SV2C: variants seen among roughly 807,000 people sequenced by gnomAD.
The protein encoded by SV2C is solute carrier family 22 member B3.
Under a neutral mutation model 79.7 loss-of-function variants are expected in SV2C, and 49 were observed. The ratio of observed to expected loss-of-function variants is 0.61; its 90% CI spans 0.49 to 0.78. The LOEUF (loss-of-function observed/expected upper bound fraction) is 0.78, where lower values mean the gene tolerates loss of function less well. SV2C is among the 30% of genes least tolerant of loss of function. SV2C has a pLI of 0.00. For missense variants in SV2C, 833 were observed against 912.9 expected (o/e 0.91, Z 1.13); for synonymous variants, 334 against 333.2 (o/e 1.00, Z -0.03).
chr5:75,910,055 T>C, the SV2C span, among the ~76,000 whole-genome samples: 3 of 152,174 alleles, frequency 2.0e-5, no homozygotes, highest in African/African-American at 4.8e-5. Flanking sequence ...GAGCAGACAC[T>C]CCATAAATAC....
At chr5:76,025,172 CGT>C in the SV2C span, among the ~76,000 whole-genome samples, 8 of 127,248 alleles carry the variant, frequency 6.3e-5, no homozygotes, top group African/African-American at 2.5e-4. Flanking sequence ...GCCTTGAGCA[CGT>C]TTTTTTTTTT....
chr5:75,915,404 A>C, the SV2C span, among the ~76,000 whole-genome samples: 1 of 152,206 alleles, frequency 6.6e-6, no homozygotes, highest in African/African-American at 2.4e-5. Flanking sequence ...GGATTCCTTA[A>C]AACACTTTTT....
chr5:76,099,154 C>T (rs1323036811), intron 1 of SV2C, among the ~76,000 whole-genome samples: 1 of 152,096 alleles, frequency 6.6e-6, no homozygotes, highest in Non-Finnish European at 1.5e-5. Context: ...TGGAAAATAA[C>T]AGTTCATTCT....
At chr5:76,177,937 AGAG>A (rs1179005562) in intron 2 of SV2C, among the ~76,000 whole-genome samples, 1 of 152,224 alleles carries the variant, frequency 6.6e-6, no homozygotes, top group Non-Finnish European at 1.5e-5. Context: ...GTGCTGATAT[AGAG>A]GAGATTTCTC....
At chr5:75,869,005 A>T in the SV2C span, among the ~76,000 whole-genome samples, 1 of 152,202 alleles carries the variant, frequency 6.6e-6, no homozygotes, top group Non-Finnish European at 1.5e-5. Flanking sequence ...TGGTGTCTAT[A>T]GGGAGAAACT....
the SV2C span, among the ~76,000 whole-genome samples, chr5:75,959,500 T>C: frequency 6.6e-6 from 1 of 151,984 alleles, no homozygotes; most frequent in Admixed American, 6.6e-5. Context: ...CATTGATATT[T>C]ATTGAAGGCT....
intron 4 of SV2C, among the ~76,000 whole-genome samples, chr5:76,274,058 T>C (rs1014627646): frequency 1.1e-4 from 17 of 152,230 alleles, no homozygotes; most frequent in African/African-American, 3.1e-4. Context: ...GTGAGACCTG[T>C]ATTGTCAGTG....
intron 12 of SV2C, among the ~76,000 whole-genome samples, chr5:76,321,004 A>G (rs1052072817): frequency 2.0e-5 from 3 of 152,192 alleles, no homozygotes; most frequent in African/African-American, 7.2e-5. Context: ...AACCCACAAA[A>G]TCACTGGCTG....
chr5:76,323,966 T>C (rs1295854898), intron 12 of SV2C, among the ~76,000 whole-genome samples: 1 of 152,026 alleles, frequency 6.6e-6, no homozygotes, highest in East Asian at 1.9e-4. Flanking sequence ...TGTATACCTA[T>C]GTAACAAACC....
intron 12 of SV2C, among the ~76,000 whole-genome samples, chr5:76,350,918 G>T (rs1327577909): frequency 6.6e-6 from 1 of 151,886 alleles, no homozygotes; most frequent in East Asian, 1.9e-4. Flanking sequence ...GGAGGCTGAG[G>T]CATGAGAATC....
chr5:75,934,298 C>CTTTTTT, the SV2C span, among the ~76,000 whole-genome samples: 18 of 87,540 alleles, frequency 2.1e-4, no homozygotes, highest in African/African-American at 1.1e-3. Context: ...TTTTTTCTTT[C>CTTTTTT]TTTCTTTTTT....
At chr5:76,246,570 G>A (rs952692263) in intron 4 of SV2C, among the ~76,000 whole-genome samples, 2 of 152,076 alleles carry the variant, frequency 1.3e-5, no homozygotes, top group African/African-American at 2.4e-5. Flanking sequence ...GTTTGTAACT[G>A]TGTAAGTAGG....
At chr5:75,980,431 A>G in the SV2C span, among the ~76,000 whole-genome samples, 91 of 152,312 alleles carry the variant, frequency 6.0e-4, 1 homozygote, top group South Asian at 0.017. Flanking sequence ...CTTCAGGCCA[A>G]TATCCTTGAT....
At position 76,195,105 on chromosome 5, in the gene SV2C, G is replaced by GT; in HGVS notation, c.761+10dup. 1 of 1,611,056 alleles carries GT rather than the reference G, an allele frequency of 6.2e-7. No individual in the cohort carries two copies. Among genetic ancestry groups the GT allele is most frequent in the East Asian group, 2.2e-5 (1 of 44,858 alleles). On this transcript the variant is annotated splice_region_variant and intron_variant, in intron 3 of 12. Transcript: ENST00000502798. Reference sequence around the variant, plus strand: ...CGCTTACTTTCTGGATTCGGGTAAGGTTTTCTCCTTCATATTTTATAGTAA... The same window carrying GT: ...CGCTTACTTTCTGGATTCGGGTAAGGTTTTTCTCCTTCATATTTTATAGTAA...
chr5:76,263,976 C>A (rs1049994441), intron 4 of SV2C, among the ~76,000 whole-genome samples: 14 of 152,070 alleles, frequency 9.2e-5, no homozygotes, highest in Non-Finnish European at 1.8e-4. Context: ...TAAATGTTGA[C>A]CTGTCTTGCC....
chr5:75,972,619 A>T, the SV2C span, among the ~76,000 whole-genome samples: 1 of 152,136 alleles, frequency 6.6e-6, no homozygotes, highest in Non-Finnish European at 1.5e-5. Flanking sequence ...AATCAAAACC[A>T]CAATGAGATA....
At chr5:76,272,699 C>T (rs964537207) in intron 4 of SV2C, among the ~76,000 whole-genome samples, 1 of 152,170 alleles carries the variant, frequency 6.6e-6, no homozygotes, top group African/African-American at 2.4e-5. Flanking sequence ...CTGGTAGAGA[C>T]ACAAGATCTT....
chr5:75,984,577 ATC>A, the SV2C span, among the ~76,000 whole-genome samples: 9 of 92,354 alleles, frequency 9.7e-5, no homozygotes, highest in African/African-American at 2.7e-4. Context: ...ATATCTATCT[ATC>A]TATCTATCTA....
chr5:75,888,773 AG>A, the SV2C span, among the ~76,000 whole-genome samples: 1 of 152,078 alleles, frequency 6.6e-6, no homozygotes, highest in African/African-American at 2.4e-5. Context: ...TGTAAATGCC[AG>A]GGGGGTGGCC....
Sources: gnomAD v4.1 joint callset for allele counts (sites outside exome capture counted in the v4.1 genomes callset) on GRCh38, gnomAD v4.1.1 for gene constraint, MANE v1.5 for transcripts, NCBI Gene and HGNC (gene_info 2026-07-23, HGNC 2026-07-21) for gene names.